Variants in EPHA8 observed in about 807,000 individuals in gnomAD.
EPHA8 encodes EPH receptor A8.
A neutral mutation model predicts 103.6 loss-of-function variants in EPHA8; 58 were observed. The ratio of observed to expected loss-of-function variants is 0.56; its 90% confidence interval spans 0.45 to 0.70. The LOEUF (loss-of-function observed/expected upper bound fraction) is 0.70. Ranked by LOEUF, EPHA8 falls within the 30% of genes least tolerant of loss-of-function variation. The pLI, the probability that EPHA8 is intolerant of heterozygous loss-of-function variation, is 0.00. For synonymous variants in EPHA8, 559 were observed against 572.5 expected, an observed-to-expected ratio of 0.98 and a Z score of 0.34; for missense variants, 1,304 against 1,395.2, an observed-to-expected ratio of 0.93 and a Z score of 1.04.
At position 22,598,276 on chromosome 1, in the gene EPHA8, A is replaced by G. The variant is rs1023377786; in HGVS notation, c.2178+64A>G. The G allele has an allele frequency of 1.2e-5, 18 of 1,541,848 alleles. No homozygotes were observed. The highest frequency in any genetic ancestry group is 1.3e-5 in the Non-Finnish European group (15 of 1,125,110). On this transcript the variant is annotated intron_variant, in intron 12 of 16. Coordinates refer to ENST00000166244, the MANE Select transcript of EPHA8 (RefSeq NM_020526.5). The surrounding 1 kb of genome is among the most constrained non-coding windows in gnomAD (Gnocchi z 5.1). ...AGGGAGGTCCAGTCTGGGTGCTGGG[A>G]GATAGTGCAAAGCCCTCTAAGCCCC... is the stretch of plus-strand genomic sequence containing the variant.
chr1:22,585,636 A>C (rs1354077172), intron 3 of EPHA8, among the ~76,000 whole-genome samples: 1 of 152,208 alleles, frequency 6.6e-6, no homozygotes, highest in African/African-American at 2.4e-5. Flanking sequence ...GACTGAATGC[A>C]TGATCACGCA....
chr1:22,600,193 GA>G (rs1189176087), intron 13 of EPHA8, among the ~76,000 whole-genome samples: 1,599 of 130,796 alleles, frequency 0.012, 40 homozygotes, highest in African/African-American at 0.044. Context: ...AGGAGGGAAG[GA>G]AAGGAGGGAG....
At position 22,601,476 on chromosome 1, in the gene EPHA8, G is replaced by A. The variant is rs779331800; in HGVS notation, c.2903+3G>A. 2.9e-5 allele frequency: 46 copies of A among 1,609,370 alleles called. 1 individual carries two copies. The highest frequency in any genetic ancestry group is 1.9e-5 in the Non-Finnish European group (23 of 1,179,584). On this transcript the variant is annotated splice_donor_region_variant and intron_variant, in intron 16 of 16. Transcript: ENST00000166244. Reference sequence around the variant, plus strand: ...ATGGTGCTACGCATGAACGCCCAGTGAGTGATGGGTGGGGCTGGGGCCCCA... The same window carrying A: ...ATGGTGCTACGCATGAACGCCCAGTAAGTGATGGGTGGGGCTGGGGCCCCA...
At position 22,567,376 on chromosome 1, in the gene EPHA8, T is replaced by C. The variant is rs1378973854; in HGVS notation, c.95-1913T>C. 6.6e-6 allele frequency among the ~76,000 whole-genome samples: 1 copy of C among 152,152 alleles called. No homozygotes were observed. The highest frequency in any genetic ancestry group is 1.9e-4 in the East Asian group (1 of 5,172). ...AGCCAGCAGGAGGAGAGAGCTTGCCTGACCCAGTTTTCTCTACATTGCCTG... is the reference window on the plus strand; with the variant it reads ...AGCCAGCAGGAGGAGAGAGCTTGCCCGACCCAGTTTTCTCTACATTGCCTG... On this transcript the variant is annotated intron_variant, in intron 1 of 16. Coordinates refer to ENST00000166244, the MANE Select transcript of EPHA8 (RefSeq NM_020526.5). This position sits in a 1 kb window ranked among gnomAD's most constrained non-coding sequence, Gnocchi z 4.2.
At chr1:22,579,328 T>C (rs1285108755) in intron 3 of EPHA8, among the ~76,000 whole-genome samples, 1 of 151,082 alleles carries the variant, frequency 6.6e-6, no homozygotes, top group Admixed American at 6.6e-5. Context: ...TATGCATGTG[T>C]CCATGTGTGC....
At chr1:22,579,445 A>G (rs1640977987) in intron 3 of EPHA8, among the ~76,000 whole-genome samples, 1 of 150,912 alleles carries the variant, frequency 6.6e-6, no homozygotes, top group Non-Finnish European at 1.5e-5. Context: ...TGTGTGCATG[A>G]GTGTATGTGT....
chr1:22,588,856 A>G lies in EPHA8; in HGVS notation c.980-15A>G. 6.4e-7 allele frequency: 1 copy of G among 1,564,436 alleles called. No homozygotes were observed. The highest frequency in any genetic ancestry group is 1.2e-5 in the South Asian group (1 of 85,720). The stretch of plus-strand genomic sequence containing the variant: ...ATAAATAACCACTGCCCCATCTGTC[A>G]TCCTCTGCCCTCAGGGCCACCCTCG... On this transcript the variant is annotated splice_polypyrimidine_tract_variant and intron_variant, in intron 4 of 16. Coordinates refer to ENST00000166244, the MANE Select transcript of EPHA8 (RefSeq NM_020526.5).
intron 13 of EPHA8, among the ~76,000 whole-genome samples, chr1:22,599,647 GAAGGAAGGAAAGGA>G (rs1641625975): frequency 1.6e-5 from 1 of 64,424 alleles, no homozygotes; most frequent in Admixed American, 1.9e-4. Flanking sequence ...GGGAGGGAGG[GAAGGAAGGAAAGGA>G]GGGAGGGAGG....
intron 2 of EPHA8, among the ~76,000 whole-genome samples, chr1:22,570,267 T>TAC (rs201161522): frequency 6.6e-6 from 1 of 151,770 alleles, no homozygotes; most frequent in East Asian, 1.9e-4. Context: ...CGCACGCATG[T>TAC]ACACACACAT....
At position 22,567,242 on chromosome 1, in the gene EPHA8, G is replaced by A. The variant is rs371046575; in HGVS notation, c.95-2047G>A. On this transcript the variant is annotated intron_variant, in intron 1 of 16. Transcript: ENST00000166244. The surrounding 1 kb of genome is among the most constrained non-coding windows in gnomAD (Gnocchi z 4.2). ...ACCCCGAGACCTGTGTCTGGGATGCGGGGTGGGGCGGGGGGACCCATACGT... is the reference window on the plus strand; with the variant it reads ...ACCCCGAGACCTGTGTCTGGGATGCAGGGTGGGGCGGGGGGACCCATACGT... Among the ~76,000 whole-genome samples the A allele has an allele frequency of 3.9e-5, 6 of 152,296 alleles. No homozygotes were observed. The highest frequency in any genetic ancestry group is 2.1e-4 in the South Asian group (1 of 4,818).
chr1:22,593,749 G>C (rs1641441929), intron 7 of EPHA8, 63 bp downstream of exon 7: 2 of 1,461,016 alleles, frequency 1.4e-6, no homozygotes, highest in Non-Finnish European at 1.8e-6. Context: ...GGGGTCGGGG[G>C]GTGGCCGAGG....
intron 5 of EPHA8, among the ~76,000 whole-genome samples, chr1:22,590,448 A>T (rs1444752956): frequency 1.3e-5 from 2 of 151,648 alleles, no homozygotes; most frequent in African/African-American, 4.9e-5. Flanking sequence ...CCTCTGCGGG[A>T]CTTCTCCATG....
intron 3 of EPHA8, among the ~76,000 whole-genome samples, chr1:22,584,676 C>G (rs1245095620): frequency 6.6e-6 from 1 of 152,128 alleles, no homozygotes; most frequent in Non-Finnish European, 1.5e-5. Context: ...TCCCAGTGGT[C>G]CCTGTTGCAA....
At chr1:22,593,178 G>T in intron 5 of EPHA8, 148 bp from the exon 6 acceptor site, 1 of 1,236,082 alleles carries the variant, frequency 8.1e-7, no homozygotes, top group Non-Finnish European at 1.1e-6. Context: ...GAGAACTGGA[G>T]GGTGCTGGCT....
rs41266037 is a variant in EPHA8 at position 22,602,011 on chromosome 1, A to G, written c.*270A>G. 0.098 allele frequency: 54,153 copies of G among 552,028 alleles called. 3,204 individuals carry two copies. Among genetic ancestry groups the G allele is most frequent in the Admixed American group, 0.18 (5,158 of 28,658 alleles). 34.2% of individuals were successfully genotyped at this position (552,028 alleles called of 1,614,324 possible). The stretch of plus-strand genomic sequence containing the variant: ...AGAGCCTGGGGCCTCCACGTCACAG[A>G]GTCCAACAGGGACATCACTCGCCTG... On this transcript the variant is annotated 3_prime_UTR_variant, in exon 17 of 17. Transcript: ENST00000166244.
Position 22,600,704 on chromosome 1 carries a change from C to G in EPHA8, c.2432C>G (p.Ala811Gly). 6.2e-7 allele frequency: 1 copy of G among 1,613,658 alleles called. No homozygotes were observed. Among genetic ancestry groups the G allele is most frequent in the Non-Finnish European group, 8.5e-7 (1 of 1,179,860 alleles). The change falls in exon 14 of 17, where the codon GCC (alanine) becomes GGC (glycine). Residue 811 changes from alanine to glycine, a missense_variant. Ala to Gly is a moderately conservative substitution (Grantham distance 60). Coordinates refer to ENST00000166244, the MANE Select transcript of EPHA8 (RefSeq NM_020526.5). ...CGCTGGACGGCCCCAGAGGCCATCG[C>G]CTTCCGCACCTTCTCCTCGGCCAGC... ...PIRWTAPEAI[A>G]FRTFSSASDV...
intron 3 of EPHA8, among the ~76,000 whole-genome samples, chr1:22,583,452 C>CG (rs1053686986): frequency 6.6e-6 from 1 of 152,128 alleles, no homozygotes; most frequent in Non-Finnish European, 1.5e-5. Context: ...GCTGGGAGGA[C>CG]GGGGGGAAAG....
chr1:22,599,099 C>T (rs1450577670), intron 13 of EPHA8, 52 bp downstream of exon 13: 5 of 1,536,486 alleles, frequency 3.3e-6, no homozygotes, highest in African/African-American at 1.4e-5. Context: ...GAGATGGCGC[C>T]GGTGGCACCC....
Position 22,596,175 on chromosome 1 carries a change from T to G in EPHA8, c.1765+2T>G. 1 of 1,613,250 alleles carries G rather than the reference T, an allele frequency of 6.2e-7. No homozygotes were observed. Among genetic ancestry groups the G allele is most frequent in the Admixed American group, 1.7e-5 (1 of 59,950 alleles). Reference sequence around the variant, plus strand: ...AGATGCACTATCAGAATGGACAGGGTGAGTGCAGGGGCCCGGTGGTCTGGG... The same window carrying G: ...AGATGCACTATCAGAATGGACAGGGGGAGTGCAGGGGCCCGGTGGTCTGGG... On this transcript the variant is annotated splice_donor_variant, in intron 9 of 16. Coordinates refer to ENST00000166244, the MANE Select transcript of EPHA8 (RefSeq NM_020526.5). LOFTEE classifies it high-confidence loss of function.
Sources: allele counts gnomAD v4.1 joint callset (sites outside exome capture counted in the v4.1 genomes callset), GRCh38; gene constraint gnomAD v4.1.1; non-coding constraint Gnocchi (gnomAD v3.1); transcripts MANE v1.5; gene names NCBI Gene and HGNC (gene_info 2026-07-23, HGNC 2026-07-21).